The following SMURF1 variants were observed in gnomAD, a reference collection of about 807,000 sequenced individuals.
SMURF1 encodes the protein E3 ubiquitin-protein ligase SMURF1.
SMURF1 carries 44 observed loss-of-function variants against 98.0 expected under a neutral mutation model. The observed-to-expected ratio is 0.45, with a 90% CI of 0.35 to 0.58. SMURF1 has a LOEUF of 0.58. SMURF1 is among the 20% of genes least tolerant of loss of function. SMURF1 has a pLI of 0.00. For synonymous variants in SMURF1, 396 were observed against 374.9 expected, an observed-to-expected ratio of 1.06 and a Z score of -0.65; for missense variants, 687 against 938.4, an observed-to-expected ratio of 0.73 and a Z score of 3.50.
chr7:99,121,546 C>T (rs1005562804), intron 1 of SMURF1, among the ~76,000 whole-genome samples: 3 of 152,108 alleles, frequency 2.0e-5, no homozygotes, highest in African/African-American at 7.2e-5. Flanking sequence ...TCGCATCCTC[C>T]TCTTCTCCCC....
chr7:99,068,340 G>T (rs565940750), intron 1 of SMURF1, among the ~76,000 whole-genome samples: 7 of 152,300 alleles, frequency 4.6e-5, no homozygotes, highest in Admixed American at 2.0e-4. Flanking sequence ...GCCCAGTCTA[G>T]AGTGCAGGGG....
intron 1 of SMURF1, among the ~76,000 whole-genome samples, chr7:99,110,835 TACTG>T (rs1369701450): frequency 7.9e-5 from 12 of 152,166 alleles, no homozygotes; most frequent in Non-Finnish European, 1.5e-4. Flanking sequence ...AGCAACACAG[TACTG>T]ACTGAGTAAA....
chr7:99,127,001 C>T (rs1051362865), intron 1 of SMURF1, among the ~76,000 whole-genome samples: 17 of 152,264 alleles, frequency 1.1e-4, no homozygotes, highest in Non-Finnish European at 2.2e-4. Context: ...TTCGGCTTCA[C>T]GTAATCACTC....
intron 1 of SMURF1, among the ~76,000 whole-genome samples, chr7:99,077,725 C>T (rs1319298698): frequency 6.6e-6 from 1 of 152,046 alleles, no homozygotes; most frequent in Non-Finnish European, 1.5e-5. Context: ...GTGATTTCCA[C>T]CATCAGGCAA....
chr7:99,076,883 G>C (rs1428439876), intron 1 of SMURF1, among the ~76,000 whole-genome samples: 4 of 152,066 alleles, frequency 2.6e-5, no homozygotes, highest in African/African-American at 9.7e-5. Context: ...CTGCATGTGT[G>C]TGCACGTGTG....
At chr7:99,075,941 G>A (rs931167665) in intron 1 of SMURF1, among the ~76,000 whole-genome samples, 4 of 152,172 alleles carry the variant, frequency 2.6e-5, no homozygotes, top group Admixed American at 2.0e-4. Context: ...AAATATCTGA[G>A]TGTACAGCTC....
At chr7:99,089,200 CAAA>C (rs35381081) in intron 1 of SMURF1, among the ~76,000 whole-genome samples, 3 of 123,710 alleles carry the variant, frequency 2.4e-5, no homozygotes, top group Non-Finnish European at 1.7e-5. Context: ...GAGACTCTGT[CAAA>C]AAAAAAAAAA....
chr7:99,036,025 G>A (rs1795125386), intron 15 of SMURF1: 1 of 408,520 alleles, frequency 2.4e-6, no homozygotes, highest in Admixed American at 3.6e-5. Context: ...GAACCAACCG[G>A]TGACACTGAA....
chr7:99,047,543 G>A, intron 10 of SMURF1, 141 bp downstream of exon 10: 7 of 815,292 alleles, frequency 8.6e-6, no homozygotes, highest in Non-Finnish European at 1.3e-5. Context: ...ACAGAAAGAA[G>A]GGTTCCCTGA....
intron 1 of SMURF1, among the ~76,000 whole-genome samples, chr7:99,127,730 T>A (rs1320196092): frequency 6.6e-6 from 1 of 152,176 alleles, no homozygotes; most frequent in African/African-American, 2.4e-5. Context: ...TTGGGTTTTT[T>A]TCCTGAATAA....
intron 9 of SMURF1, 103 bp downstream of exon 9, chr7:99,049,460 A>AT (rs1795685901): frequency 8.4e-7 from 1 of 1,192,078 alleles, no homozygotes; most frequent in Non-Finnish European, 1.2e-6. Context: ...CATGCTTATT[A>AT]TCCAACCAGC....
At chr7:99,126,993 C>T (rs934212777) in intron 1 of SMURF1, among the ~76,000 whole-genome samples, 3 of 152,160 alleles carry the variant, frequency 2.0e-5, no homozygotes, top group Admixed American at 6.5e-5. Flanking sequence ...GGGCCAGCTT[C>T]GGCTTCACGT....
chr7:99,072,883 C>G (rs1796359343), intron 1 of SMURF1, among the ~76,000 whole-genome samples: 1 of 152,142 alleles, frequency 6.6e-6, no homozygotes, highest in Non-Finnish European at 1.5e-5. Flanking sequence ...TTTGGCTAAT[C>G]ATTATTCACA....
intron 1 of SMURF1, among the ~76,000 whole-genome samples, chr7:99,101,389 A>C (rs1402542638): frequency 2.0e-5 from 3 of 152,140 alleles, no homozygotes; most frequent in Admixed American, 6.5e-5. Context: ...ACAACAACAA[A>C]AAAGAATGTT....
chr7:99,057,205 C>T lies in SMURF1; in HGVS notation c.403G>A (p.Val135Ile). 1 of 1,613,748 alleles carries T rather than the reference C, an allele frequency of 6.2e-7. No individual in the cohort carries two copies. Among genetic ancestry groups the T allele is most frequent in the Non-Finnish European group, 8.5e-7 (1 of 1,179,816 alleles). ...TTTACACAGACAAGAAAGTTCTTACCCACTATCTGGCCACGAACTGCATCA... is the reference window on the plus strand; with the variant it reads ...TTTACACAGACAAGAAAGTTCTTACTCACTATCTGGCCACGAACTGCATCA... Reference protein sequence around the residue: ...DTDAVRGQIVVSLQTRDRIGT... With the variant: ...DTDAVRGQIVISLQTRDRIGT... The change falls in exon 5 of 18, where the codon GTC (valine) becomes ATC (isoleucine). Residue 135 changes from valine to isoleucine, a missense_variant and splice_region_variant. This residue lies in a region of SMURF1 where 415 missense variants were observed against 508.4 expected (regional missense o/e 0.82). Coordinates refer to ENST00000361368, the MANE Select transcript of SMURF1 (RefSeq NM_181349.3).
intron 1 of SMURF1, among the ~76,000 whole-genome samples, chr7:99,114,482 A>G (rs1303548455): frequency 1.3e-5 from 2 of 152,184 alleles, no homozygotes; most frequent in Admixed American, 6.5e-5. Flanking sequence ...AGCATATATG[A>G]ACCTAACAAT....
At chr7:99,130,116 A>G (rs1296706853) in intron 1 of SMURF1, among the ~76,000 whole-genome samples, 3 of 152,210 alleles carry the variant, frequency 2.0e-5, no homozygotes, top group Admixed American at 6.5e-5. Context: ...GAAATAATTT[A>G]AGAATGTATT....
intron 13 of SMURF1, 78 bp downstream of exon 13, chr7:99,040,300 C>T (rs543236945): frequency 6.1e-5 from 77 of 1,271,918 alleles, no homozygotes; most frequent in African/African-American, 2.1e-4. Context: ...CACACGCGCG[C>T]GCGCGCGCAC....
At chr7:99,059,026 G>A (rs1795953095) in intron 3 of SMURF1, among the ~76,000 whole-genome samples, 1 of 152,174 alleles carries the variant, frequency 6.6e-6, no homozygotes, top group African/African-American at 2.4e-5. Context: ...GGAGGTTGCG[G>A]TGAGCCAAGA....
Sources: allele counts gnomAD v4.1 joint callset (sites outside exome capture counted in the v4.1 genomes callset), GRCh38; gene constraint gnomAD v4.1.1; regional missense constraint gnomAD v4.1.1; transcripts MANE v1.5; gene names NCBI Gene and HGNC (gene_info 2026-07-23, HGNC 2026-07-21).